IKBKB: variants seen among roughly 807,000 people sequenced by gnomAD.
IKBKB encodes inhibitor of nuclear factor kappa-B kinase subunit beta.
A neutral mutation model predicts 113.6 loss-of-function variants in IKBKB; 42 were observed. The observed-to-expected ratio is 0.37, with a 90% CI of 0.29 to 0.48. The LOEUF is 0.48. IKBKB is among the 20% of genes least tolerant of loss of function. The pLI is 0.99. For synonymous variants in IKBKB, 296 were observed against 361.3 expected (o/e 0.82, Z 2.05); for missense variants, 673 against 939.7 (o/e 0.72, Z 3.71).
chr8:42,290,921 C>T (rs1350162485), intron 4 of IKBKB, among the ~76,000 whole-genome samples: 1 of 152,222 alleles, frequency 6.6e-6, no homozygotes, highest in Non-Finnish European at 1.5e-5. Flanking sequence ...TGGGTGCCCT[C>T]CTCCCCATTG....
At chr8:42,311,462 G>C (rs1466135097) in intron 8 of IKBKB, among the ~76,000 whole-genome samples, 3 of 145,934 alleles carry the variant, frequency 2.1e-5, no homozygotes, top group Non-Finnish European at 4.5e-5. Flanking sequence ...TTGGGAGGCT[G>C]AAACAGGAGA....
Position 42,293,638 on chromosome 8 carries a change from C to T in IKBKB, c.388+126C>T, listed in dbSNP as rs1290216261. On this transcript the variant is annotated intron_variant, in intron 5 of 21. Coordinates refer to ENST00000520810, the MANE Select transcript of IKBKB (RefSeq NM_001556.3). The stretch of plus-strand genomic sequence containing the variant: ...GTCTCTGTGGAAGGGGAATGGGAGC[C>T]CAGGGACGGGGGACCCTGGTGGAGT... The T allele has an allele frequency of 3.9e-6, 6 of 1,542,662 alleles. No homozygotes were observed. In the African/African-American group the frequency reaches 4.1e-5, roughly 10 times the overall value.
chr8:42,286,956 A>C (rs969751466), intron 2 of IKBKB, among the ~76,000 whole-genome samples: 2 of 152,126 alleles, frequency 1.3e-5, no homozygotes, highest in Non-Finnish European at 2.9e-5. Context: ...CAGGAGGTGC[A>C]GGATGTTGGT....
chr8:42,271,955 AT>A, intron 1 of IKBKB, 127 bp from the exon 2 acceptor site: 1 of 1,052,094 alleles, frequency 9.5e-7, no homozygotes, highest in Admixed American at 2.8e-5. Flanking sequence ...TCTTTACAAA[AT>A]AAAAAACCAG....
intron 20 of IKBKB, among the ~76,000 whole-genome samples, chr8:42,327,033 T>C (rs1820873420): frequency 6.6e-6 from 1 of 152,166 alleles, no homozygotes; most frequent in Non-Finnish European, 1.5e-5. Flanking sequence ...AAACTAGATA[T>C]GGTGATGGTT....
chr8:42,326,122 G>A (rs1197374465), intron 20 of IKBKB, 25 bp downstream of exon 20: 1 of 1,613,750 alleles, frequency 6.2e-7, no homozygotes, highest in Non-Finnish European at 8.5e-7. Flanking sequence ...GCAGTGCCAA[G>A]TGTGACCATC....
chr8:42,329,359 C>G (rs1184879267), intron 21 of IKBKB, 145 bp downstream of exon 21: 2 of 1,254,236 alleles, frequency 1.6e-6, no homozygotes, highest in Non-Finnish European at 2.0e-6. Context: ...GTCTCTCTCT[C>G]TCACCCAGGC....
intron 19 of IKBKB, chr8:42,324,789 T>TGGGGCAGGGCCTGGCTGGGAGG (rs1820428170): frequency 1.3e-5 from 2 of 153,402 alleles, no homozygotes; most frequent in East Asian, 1.9e-4. Flanking sequence ...GGGCAGGAGC[T>TGGGGCAGGGCCTGGCTGGGAGG]GGGGCAGGGC....
At chr8:42,305,542 A>G (rs1816332452) in intron 6 of IKBKB, among the ~76,000 whole-genome samples, 1 of 152,164 alleles carries the variant, frequency 6.6e-6, no homozygotes, top group South Asian at 2.1e-4. Context: ...CTCCACCCCT[A>G]GCCTCTGGGA....
intron 5 of IKBKB, among the ~76,000 whole-genome samples, chr8:42,300,070 T>C (rs1563327575): frequency 6.6e-6 from 1 of 152,208 alleles, no homozygotes; most frequent in Non-Finnish European, 1.5e-5. Context: ...GCTGAGTGAA[T>C]TAGTGAAGTT....
intron 9 of IKBKB, among the ~76,000 whole-genome samples, chr8:42,315,444 C>T (rs574454482): frequency 2.0e-5 from 3 of 152,070 alleles, no homozygotes; most frequent in East Asian, 3.9e-4. Context: ...GAGCAAGGCA[C>T]GTTTGGGAGG....
chr8:42,319,092 G>A (rs1297628780), intron 13 of IKBKB, among the ~76,000 whole-genome samples, 178 bp from the exon 14 acceptor site: 2 of 152,158 alleles, frequency 1.3e-5, no homozygotes, highest in Non-Finnish European at 2.9e-5. Flanking sequence ...AGAACCTCAG[G>A]CATTGCTGAG....
At chr8:42,314,452 G>T (rs745629184) in intron 9 of IKBKB, 23 bp downstream of exon 9, 3 of 1,394,874 alleles carry the variant, frequency 2.2e-6, no homozygotes, top group Non-Finnish European at 3.1e-6. Flanking sequence ...GGCATTACAC[G>T]AATACATATC....
chr8:42,314,276 C>A, intron 8 of IKBKB, 46 bp from the exon 9 acceptor site: 2 of 1,316,040 alleles, frequency 1.5e-6, no homozygotes, highest in Non-Finnish European at 2.2e-6. Flanking sequence ...AATGTGTCCC[C>A]GTCATAGCAA....
chr8:42,293,569 G>T, intron 5 of IKBKB, 57 bp downstream of exon 5: 1 of 1,613,790 alleles, frequency 6.2e-7, no homozygotes, highest in Non-Finnish European at 8.5e-7. Context: ...TGGTGCCCCT[G>T]TGAGTCCCTG....
chr8:42,275,280 T>G (rs554652236), intron 2 of IKBKB, among the ~76,000 whole-genome samples: 26 of 152,144 alleles, frequency 1.7e-4, no homozygotes, highest in Non-Finnish European at 1.3e-4. Context: ...CTTGACCTCC[T>G]GGGCTCAAAT....
Position 42,332,318 on chromosome 8 carries a change from G to C in IKBKB, c.*1339G>C, listed in dbSNP as rs201369782. 2 of 152,168 alleles carry C rather than the reference G, an allele frequency of 1.3e-5. No individual in the cohort carries two copies. Among genetic ancestry groups the C allele is most frequent in the East Asian group, 1.9e-4 (1 of 5,198 alleles). 9.4% of individuals were successfully genotyped at this position (152,168 alleles called of 1,614,324 possible). A position where few individuals can be genotyped will look rare whatever the true frequency, so the allele number is the denominator to read the frequency against. ...GAAAAGTCTTATAATAAAGAAACAG[G>C]CTTAACTTTGTGTAAGAACACTGTT... is the stretch of plus-strand genomic sequence containing the variant. On this transcript the variant is annotated 3_prime_UTR_variant, in exon 22 of 22. Coordinates refer to ENST00000520810, the MANE Select transcript of IKBKB (RefSeq NM_001556.3).
chr8:42,289,170 A>C (rs1189993812), intron 3 of IKBKB, among the ~76,000 whole-genome samples: 1 of 152,126 alleles, frequency 6.6e-6, no homozygotes, highest in Non-Finnish European at 1.5e-5. Flanking sequence ...AGCCGAGATC[A>C]AGCCACTGCA....
At chr8:42,304,079 A>AT (rs1232351461) in intron 5 of IKBKB, among the ~76,000 whole-genome samples, 49 of 151,692 alleles carry the variant, frequency 3.2e-4, no homozygotes, top group Non-Finnish European at 5.3e-4. Flanking sequence ...TGTGAATGGG[A>AT]TTTTTTTTCC....
Sources: allele counts gnomAD v4.1 joint callset (sites outside exome capture counted in the v4.1 genomes callset), GRCh38; gene constraint gnomAD v4.1.1; transcripts MANE v1.5; gene names NCBI Gene and HGNC (gene_info 2026-07-23, HGNC 2026-07-21).